Variants in METTL6 observed in about 807,000 individuals in gnomAD.
The protein encoded by METTL6 is methyltransferase 6, tRNA N3-cytidine.
Under a neutral mutation model 26.4 loss-of-function variants are expected in METTL6, and 22 were observed. The ratio of observed to expected loss-of-function variants is 0.83; its 90% CI spans 0.59 to 1.19. The LOEUF is 1.19. Among genes scored for constraint, METTL6 ranks in the 50% most tolerant of loss-of-function variants. The pLI is 0.00. For missense variants in METTL6, 304 were observed against 324.8 expected, an observed-to-expected ratio of 0.94 and a Z score of 0.49; for synonymous variants, 109 against 116.2, an observed-to-expected ratio of 0.94 and a Z score of 0.40.
rs2061732268 is a variant in METTL6, at chr3:15,426,665, T to C, written c.-124-30A>G. The C allele has an allele frequency of 3.2e-5, 22 of 679,318 alleles. No individual in the cohort carries two copies. The South Asian group carries it at 4.0e-4, about 12-fold the overall frequency. The allele number at this position is 679,318 out of a possible 1,614,324, so 42.1% of individuals were successfully genotyped here. Reference sequence around the variant, plus strand: ...GCAGAGAAAAGAATTAGATTCTGGTTAGTGGTTACAGTTCAAGACGCCAGG... The same window carrying C: ...GCAGAGAAAAGAATTAGATTCTGGTCAGTGGTTACAGTTCAAGACGCCAGG... On this transcript the variant is annotated intron_variant, in intron 1 of 5. Transcript: ENST00000383790.
In METTL6 at chr3:15,410,770, G is replaced by C. The variant is rs1256949267; in HGVS notation, c.*486C>G. Among the ~76,000 whole-genome samples, 2 of 152,196 alleles carry C rather than the reference G, an allele frequency of 1.3e-5. No individual in the cohort carries two copies. Among genetic ancestry groups the C allele is most frequent in the African/African-American group, 2.4e-5 (1 of 41,446 alleles). ...TGTAGTCCTAGCTACTCAGGAGGCT[G>C]AGGCAGGAAGACTGCTTGAGCCCAG... On this transcript the variant is annotated 3_prime_UTR_variant, in exon 6 of 6. Coordinates refer to ENST00000383790, the MANE Select transcript of METTL6 (RefSeq NM_152396.4).
upstream of METTL6, chr3:15,427,612 C>T (rs2061758682): frequency 6.2e-6 from 4 of 643,430 alleles, no homozygotes; most frequent in African/African-American, 3.7e-5. Flanking sequence ...CTCACCCCCA[C>T]GCAGAGGAGA....
chr3:15,401,550 A>G (rs1269918661), intron 6 of METTL6, among the ~76,000 whole-genome samples: 9 of 151,550 alleles, frequency 5.9e-5, no homozygotes, highest in African/African-American at 2.2e-4. Flanking sequence ...AAAAAAAAAA[A>G]AAAAAAAGAA....
At chr3:15,396,483 C>A (rs1476221881) in intron 6 of METTL6, among the ~76,000 whole-genome samples, 5 of 152,210 alleles carry the variant, frequency 3.3e-5, no homozygotes, top group African/African-American at 1.2e-4. Context: ...GCCTTCTTCT[C>A]TCAACTCATC....
downstream of METTL6, among the ~76,000 whole-genome samples, chr3:15,406,088 A>G (rs1198085641): frequency 6.6e-6 from 1 of 151,942 alleles, no homozygotes; most frequent in Non-Finnish European, 1.5e-5. Context: ...AAAGAAACAT[A>G]TAGTACTATA....
chr3:15,421,600 G>A (rs1575435117), intron 3 of METTL6, among the ~76,000 whole-genome samples: 1 of 152,024 alleles, frequency 6.6e-6, no homozygotes, highest in Non-Finnish European at 1.5e-5. Flanking sequence ...AGCTGCACAC[G>A]CCACCACACC....
downstream of METTL6, among the ~76,000 whole-genome samples, chr3:15,406,802 G>C (rs1049086885): frequency 6.6e-6 from 1 of 151,086 alleles, no homozygotes; most frequent in South Asian, 2.1e-4. Flanking sequence ...CTAATTTTTT[G>C]TATTTTTAGT....
downstream of METTL6, among the ~76,000 whole-genome samples, chr3:15,407,370 G>A (rs1453888150): frequency 1.3e-5 from 2 of 152,142 alleles, no homozygotes; most frequent in African/African-American, 4.8e-5. Flanking sequence ...CTTTATGGGG[G>A]TTAGAATTTG....
At position 15,426,311 on chromosome 3, in the gene METTL6, A is replaced by T. The variant is rs1483962886; in HGVS notation, c.201T>A (p.Phe67Leu). The change falls in exon 2 of 6, where the codon TTT becomes TTA. Residue 67 changes from phenylalanine (F) to leucine (L), a missense_variant. Phe to Leu is a conservative substitution (Grantham distance 22, BLOSUM62 0). Transcript: ENST00000383790. ...FKDRHWTTRE[F>L]EELRSCREFE... ...CCTCTCTACATGATCTTAGCTCCTCAAACTCTCTGGTGGTCCAGTGTCTGT... is the reference window on the plus strand; with the variant it reads ...CCTCTCTACATGATCTTAGCTCCTCTAACTCTCTGGTGGTCCAGTGTCTGT... 1.2e-6 allele frequency: 2 copies of T among 1,614,180 alleles called. No individual in the cohort carries two copies. The highest frequency in any genetic ancestry group is 1.1e-5 in the South Asian group (1 of 91,074).
In METTL6 at chr3:15,426,739, C is replaced by CT. The variant is rs1444543430; in HGVS notation, c.-124-105dup. On this transcript the variant is annotated intron_variant, in intron 1 of 5. Transcript: ENST00000383790. ...GATGCAGACTGTACAAAAAAAAATC[C>CT]TTCCCGCTATATGAGAGGTCACAAA... 1.6e-5 allele frequency: 9 copies of CT among 565,432 alleles called. No individual in the cohort carries two copies. The African/African-American group carries it at 1.7e-4, about 11-fold the overall frequency. 35.0% of individuals were successfully genotyped at this position (565,432 alleles called of 1,614,324 possible).
At chr3:15,406,872 C>T (rs1699815983), downstream of METTL6, among the ~76,000 whole-genome samples, 2 of 152,118 alleles carry the variant, frequency 1.3e-5, no homozygotes, top group South Asian at 2.1e-4. Flanking sequence ...TCAGATGATC[C>T]ACCTGCCTCA....
chr3:15,395,780 C>T (rs541700107), intron 6 of METTL6, among the ~76,000 whole-genome samples: 5 of 152,132 alleles, frequency 3.3e-5, no homozygotes, highest in Non-Finnish European at 7.3e-5. Flanking sequence ...ATATGAAATT[C>T]TGGGTTGAAA....
intron 5 of METTL6, among the ~76,000 whole-genome samples, chr3:15,412,876 T>C (rs1700032307): frequency 1.3e-5 from 2 of 152,206 alleles, no homozygotes; most frequent in South Asian, 4.1e-4. Flanking sequence ...GTCTAGATGA[T>C]TAGGTAGACT....
At chr3:15,396,024 G>C (rs1406431756) in intron 6 of METTL6, among the ~76,000 whole-genome samples, 1 of 152,054 alleles carries the variant, frequency 6.6e-6, no homozygotes, top group East Asian at 1.9e-4. Flanking sequence ...TGTATTTCCT[G>C]AATTTGAATG....
At chr3:15,406,565 T>TA (rs1699789593), downstream of METTL6, among the ~76,000 whole-genome samples, 1 of 111,226 alleles carries the variant, frequency 9.0e-6, no homozygotes, top group African/African-American at 3.8e-5. Context: ...GACCCAGCCA[T>TA]GAAAAAAAAA....
At chr3:15,420,715 C>A (rs943914486) in intron 3 of METTL6, among the ~76,000 whole-genome samples, 1 of 152,124 alleles carries the variant, frequency 6.6e-6, no homozygotes, top group Non-Finnish European at 1.5e-5. Flanking sequence ...AGGTTGACAG[C>A]GTATGACCAA....
At chr3:15,402,014 C>T (rs1699660616) in intron 6 of METTL6, among the ~76,000 whole-genome samples, 2 of 152,150 alleles carry the variant, frequency 1.3e-5, no homozygotes, top group Non-Finnish European at 2.9e-5. Flanking sequence ...CTTTCTTGCA[C>T]AAGGTCCAAG....
intron 6 of METTL6, among the ~76,000 whole-genome samples, chr3:15,393,636 T>C (rs186504862): frequency 0.016 from 2,381 of 152,314 alleles, 36 homozygotes; most frequent in African/African-American, 0.034. Flanking sequence ...TGTGGGTTTG[T>C]CATAAATAGC....
downstream of METTL6, among the ~76,000 whole-genome samples, chr3:15,407,042 A>G (rs1233426984): frequency 6.6e-6 from 1 of 151,482 alleles, no homozygotes; most frequent in Non-Finnish European, 1.5e-5. Flanking sequence ...TTTGAGACAG[A>G]CTCTTACTCT....
Sources: gnomAD v4.1 joint callset for allele counts (sites outside exome capture counted in the v4.1 genomes callset) on GRCh38, gnomAD v4.1.1 for gene constraint, MANE v1.5 for transcripts, NCBI Gene and HGNC (gene_info 2026-07-23, HGNC 2026-07-21) for gene names.